Variants in MRTFA observed in about 807,000 individuals in gnomAD.
The protein encoded by MRTFA is myocardin-related transcription factor A.
In MRTFA, 20 loss-of-function variants were observed where a neutral mutation model predicts 83.5. The ratio of observed to expected loss-of-function variants is 0.24; its 90% CI spans 0.17 to 0.35. MRTFA has a LOEUF of 0.35. Ranked by LOEUF, MRTFA falls within the 10% of genes least tolerant of loss-of-function variation. The probability of loss-of-function intolerance (pLI) is 1.00; values close to 1 mark genes in which losing one functional copy is unlikely to be tolerated. For missense variants in MRTFA, 1,200 were observed against 1,224.7 expected, an observed-to-expected ratio of 0.98 and a Z score of 0.30; for synonymous variants, 659 against 541.2, an observed-to-expected ratio of 1.22 and a Z score of -3.02.
intron 2 of MRTFA, among the ~76,000 whole-genome samples, chr22:40,584,359 T>C (rs1363800818): frequency 6.6e-6 from 1 of 152,162 alleles, no homozygotes; most frequent in Non-Finnish European, 1.5e-5. Context: ...CATACAACCA[T>C]AGTGCCTTTT....
intron 1 of MRTFA, among the ~76,000 whole-genome samples, chr22:40,615,427 G>A (rs1055753214): frequency 6.6e-6 from 1 of 152,046 alleles, no homozygotes; most frequent in African/African-American, 2.4e-5. Context: ...TCTTCCTCTT[G>A]TAAATTGTTT....
intron 4 of MRTFA, among the ~76,000 whole-genome samples, chr22:40,437,815 T>C (rs1029223609): frequency 6.6e-6 from 1 of 151,342 alleles, no homozygotes; most frequent in Non-Finnish European, 1.5e-5. Context: ...TTACTCTCAG[T>C]CTCCCACGTT....
chr22:40,475,077 G>C (rs1795528416), intron 3 of MRTFA, among the ~76,000 whole-genome samples: 1 of 150,888 alleles, frequency 6.6e-6, no homozygotes, highest in Admixed American at 6.6e-5. Flanking sequence ...GATTTCAGGT[G>C]ATCCGCCTGC....
At chr22:40,631,874 C>T (rs2147453738) in intron 1 of MRTFA, among the ~76,000 whole-genome samples, 1 of 152,304 alleles carries the variant, frequency 6.6e-6, no homozygotes, top group South Asian at 2.1e-4. Context: ...CTCCCCTCTC[C>T]CCTACTTCAG....
intron 8 of MRTFA, 87 bp from the exon 9 acceptor site, chr22:40,423,772 C>A: frequency 8.0e-7 from 1 of 1,254,170 alleles, no homozygotes; most frequent in Non-Finnish European, 1.1e-6. Context: ...GGTCCTCAGA[C>A]GCCACCATTG....
chr22:40,485,863 A>G (rs1439953684), intron 3 of MRTFA, among the ~76,000 whole-genome samples: 1 of 152,218 alleles, frequency 6.6e-6, no homozygotes, highest in Non-Finnish European at 1.5e-5. Flanking sequence ...GTGGACTCAG[A>G]GATTAACGTA....
chr22:40,500,273 C>G (rs1052824053), intron 3 of MRTFA, among the ~76,000 whole-genome samples: 1 of 149,860 alleles, frequency 6.7e-6, no homozygotes, highest in Non-Finnish European at 1.5e-5. Flanking sequence ...AAGTAAAAGT[C>G]TATGCCTACA....
intron 3 of MRTFA, among the ~76,000 whole-genome samples, chr22:40,494,463 G>C (rs957431026): frequency 1.3e-5 from 2 of 152,098 alleles, no homozygotes; most frequent in African/African-American, 4.8e-5. Context: ...AGGATCACTT[G>C]AACCCAAGGA....
At chr22:40,478,192 T>C (rs994763012) in intron 3 of MRTFA, among the ~76,000 whole-genome samples, 11 of 152,168 alleles carry the variant, frequency 7.2e-5, no homozygotes, top group East Asian at 5.8e-4. Context: ...TGGGAGTCTA[T>C]TGACCAACCA....
chr22:40,617,305 A>C (rs1230074209), intron 1 of MRTFA, among the ~76,000 whole-genome samples: 1 of 151,988 alleles, frequency 6.6e-6, no homozygotes, highest in Non-Finnish European at 1.5e-5. Context: ...AAGCTATGGG[A>C]CTGGATGAGG....
chr22:40,464,980 G>A (rs978569955), intron 3 of MRTFA, among the ~76,000 whole-genome samples: 1 of 152,028 alleles, frequency 6.6e-6, no homozygotes, highest in East Asian at 1.9e-4. Flanking sequence ...TGCCTGTAGT[G>A]TCTCTCTCCC....
intron 3 of MRTFA, among the ~76,000 whole-genome samples, chr22:40,500,386 T>A (rs2054444274): frequency 6.7e-6 from 1 of 149,534 alleles, no homozygotes; most frequent in Non-Finnish European, 1.5e-5. Flanking sequence ...TTTTTTTATA[T>A]TTTTATTTTT....
intron 11 of MRTFA, among the ~76,000 whole-genome samples, chr22:40,420,110 G>T (rs549023336): frequency 6.6e-6 from 1 of 152,226 alleles, no homozygotes; most frequent in Non-Finnish European, 1.5e-5. Context: ...CATGCAACAC[G>T]TAAGTCGAGG....
Position 40,417,650 on chromosome 22 carries a change from T to C in MRTFA, c.2365-157A>G. The C allele has an allele frequency of 5.0e-6, 3 of 599,222 alleles. No homozygotes were observed. In the South Asian group the frequency reaches 6.0e-5, roughly 12 times the overall value. The allele number at this position is 599,222 out of a possible 1,614,324, so 37.1% of individuals were successfully genotyped here. ...TTTAGGGAGCTTTCATGAAAGCCAC[T>C]AGGTAGGAAGGAATACAGGATGGGG... On this transcript the variant is annotated intron_variant, in intron 12 of 14. Transcript: ENST00000355630.
intron 2 of MRTFA, among the ~76,000 whole-genome samples, chr22:40,557,737 T>A (rs1314134820): frequency 6.6e-6 from 1 of 152,180 alleles, no homozygotes; most frequent in African/African-American, 2.4e-5. Context: ...ATATGTTTTT[T>A]ATCACAATTA....
intron 3 of MRTFA, among the ~76,000 whole-genome samples, chr22:40,536,494 T>A (rs1324237050): frequency 2.1e-5 from 3 of 139,634 alleles, no homozygotes; most frequent in African/African-American, 8.0e-5. Flanking sequence ...CCTCCCAAAG[T>A]GCCGAGATTG....
At chr22:40,493,729 C>T (rs1003320648) in intron 3 of MRTFA, among the ~76,000 whole-genome samples, 2 of 152,092 alleles carry the variant, frequency 1.3e-5, no homozygotes, top group East Asian at 1.9e-4. Flanking sequence ...GGATGGAAAA[C>T]GATAATGCTA....
intron 4 of MRTFA, among the ~76,000 whole-genome samples, chr22:40,454,973 A>G (rs957931012): frequency 1.2e-4 from 19 of 152,084 alleles, no homozygotes; most frequent in Admixed American, 9.2e-4. Context: ...GCTAATTTTT[A>G]AAAACTTTTT....
At chr22:40,589,419 A>G (rs567114455) in intron 2 of MRTFA, among the ~76,000 whole-genome samples, 1 of 152,296 alleles carries the variant, frequency 6.6e-6, no homozygotes, top group East Asian at 1.9e-4. Context: ...TCTATTTTAC[A>G]AAGGAGAATA....
Sources: allele counts gnomAD v4.1 joint callset (sites outside exome capture counted in the v4.1 genomes callset), GRCh38; gene constraint gnomAD v4.1.1; transcripts MANE v1.5; gene names NCBI Gene and HGNC (gene_info 2026-07-23, HGNC 2026-07-21).